LUC7L2: variants seen among roughly 807,000 people sequenced by gnomAD.
The protein encoded by LUC7L2 is putative RNA-binding protein Luc7-like 2.
LUC7L2 carries 25 observed loss-of-function variants against 52.8 expected under a neutral mutation model. The ratio of observed to expected loss-of-function variants is 0.47; its 90% CI spans 0.34 to 0.66. The LOEUF (loss-of-function observed/expected upper bound fraction) is 0.66. Ranked by LOEUF, LUC7L2 falls within the 30% of genes least tolerant of loss-of-function variation. The pLI, the probability that LUC7L2 is intolerant of heterozygous loss-of-function variation, is 0.01. For synonymous variants in LUC7L2, 144 were observed against 160.9 expected (o/e 0.89, Z 0.80); for missense variants, 328 against 497.8 (o/e 0.66, Z 3.25).
chr7:139,363,328 A>T (rs1056811375), intron 1 of LUC7L2: 1 of 771,266 alleles, frequency 1.3e-6, no homozygotes, highest in African/African-American at 1.9e-5. Flanking sequence ...ATACCCATAT[A>T]ACTGGGGGTC....
rs71169090 is a variant in LUC7L2 at position 139,399,449 on chromosome 7, A to ATTTTTTTTTTTTTTTTTTTT, written c.255+771_255+790dup. Among the ~76,000 whole-genome samples, 9 of 50,458 alleles carry ATTTTTTTTTTTTTTTTTTTT rather than the reference A, an allele frequency of 1.8e-4. 1 individual carries two copies. Among genetic ancestry groups the ATTTTTTTTTTTTTTTTTTTT allele is most frequent in the East Asian group, 7.9e-4 (1 of 1,260 alleles). The allele number at this position is 50,458 out of a possible 152,430, so 33.1% of individuals were successfully genotyped here. A position where few individuals can be genotyped will look rare whatever the true frequency, so the allele number is the denominator to read the frequency against. ...GGACATGCATATGGGTGTTTGGGGG[A>ATTTTTTTTTTTTTTTTTTTT]TTTTTTTTTTTTTTTTTTTTTTTTT... On this transcript the variant is annotated intron_variant, in intron 3 of 9. Transcript: ENST00000354926.
intron 2 of LUC7L2, among the ~76,000 whole-genome samples, chr7:139,387,533 T>C (rs1569379856): frequency 6.6e-6 from 1 of 152,110 alleles, no homozygotes; most frequent in South Asian, 2.1e-4. Flanking sequence ...TGTTTCCTGA[T>C]GGAAACAAAA....
At chr7:139,377,213 A>T (rs139064842) in intron 2 of LUC7L2, among the ~76,000 whole-genome samples, 1 of 151,982 alleles carries the variant, frequency 6.6e-6, no homozygotes, top group African/African-American at 2.4e-5. Context: ...TTATTTATTT[A>T]TTTTTTCTGA....
At chr7:139,392,915 A>G (rs1330550366) in intron 2 of LUC7L2, among the ~76,000 whole-genome samples, 1 of 151,760 alleles carries the variant, frequency 6.6e-6, no homozygotes, top group African/African-American at 2.4e-5. Context: ...CGGCCTCACA[A>G]AGTGCTGGAA....
intron 1 of LUC7L2, among the ~76,000 whole-genome samples, chr7:139,363,808 T>A (rs983487603): frequency 5.9e-5 from 9 of 152,142 alleles, no homozygotes; most frequent in African/African-American, 1.9e-4. Context: ...TCACACAGAC[T>A]GTGATTTTTG....
chr7:139,363,567 T>A (rs986796224), intron 1 of LUC7L2, among the ~76,000 whole-genome samples: 4 of 152,230 alleles, frequency 2.6e-5, no homozygotes, highest in African/African-American at 9.6e-5. Context: ...ATTTTAAGTT[T>A]TTTTAGAAAG....
At chr7:139,341,125 G>C in intron 1 of LUC7L2, 1 of 412,536 alleles carries the variant, frequency 2.4e-6, no homozygotes, top group Non-Finnish European at 4.0e-6. Flanking sequence ...AAAAGCCCCT[G>C]TTTCCCCAAA....
At chr7:139,395,514 CT>C (rs1217845329) in intron 2 of LUC7L2, among the ~76,000 whole-genome samples, 2 of 152,262 alleles carry the variant, frequency 1.3e-5, no homozygotes, top group East Asian at 3.9e-4. Flanking sequence ...ATGATGAGGA[CT>C]TTTATAACAG....
rs571001921 is a variant in LUC7L2 at position 139,360,231 on chromosome 7, C to A, written c.-31C>A. ...CCAAAAGGGCCCGGTCTGCGCCCCA[C>A]CCCCGCCCGTCCGCCCGCTACGCCG... On this transcript the variant is annotated 5_prime_UTR_variant, in exon 1 of 10. Coordinates refer to ENST00000354926, the MANE Select transcript of LUC7L2 (RefSeq NM_016019.5). 6.5e-7 allele frequency: 1 copy of A among 1,535,632 alleles called. No homozygotes were observed. The highest frequency in any genetic ancestry group is 8.8e-7 in the Non-Finnish European group (1 of 1,137,448).
At position 139,423,433 on chromosome 7, in the gene LUC7L2, T is replaced by TA. The variant is rs1385392920; in HGVS notation, c.*1098dup. The TA allele has an allele frequency of 5.0e-6, 2 of 398,810 alleles. No individual in the cohort carries two copies. Among genetic ancestry groups the TA allele is most frequent in the African/African-American group, 4.1e-5 (2 of 48,620 alleles). The allele number at this position is 398,810 out of a possible 1,614,324, so 24.7% of individuals were successfully genotyped here. On this transcript the variant is annotated 3_prime_UTR_variant, in exon 10 of 10. Transcript: ENST00000354926. ...TTTATTCTCATTCAACAAACCCAAA[T>TA]AAAAACAGTATATGTAACCAACATA...
intron 1 of LUC7L2, among the ~76,000 whole-genome samples, chr7:139,344,479 CAT>C (rs1354511341): frequency 6.6e-6 from 1 of 152,090 alleles, no homozygotes; most frequent in Non-Finnish European, 1.5e-5. Context: ...AATGACAAAA[CAT>C]ATGTTTGGTA....
intron 2 of LUC7L2, among the ~76,000 whole-genome samples, chr7:139,393,148 T>A (rs1408189207): frequency 6.6e-6 from 1 of 151,966 alleles, no homozygotes; most frequent in Non-Finnish European, 1.5e-5. Flanking sequence ...ACACTTGTAA[T>A]CCCAGCTAGT....
chr7:139,359,697 G>C, upstream of LUC7L2: 1 of 398,204 alleles, frequency 2.5e-6, no homozygotes, highest in East Asian at 3.6e-5. Context: ...GGCGCCTCGG[G>C]GCGGATCCGG....
intron 2 of LUC7L2, among the ~76,000 whole-genome samples, chr7:139,395,787 T>C (rs2131268587): frequency 6.6e-6 from 1 of 152,244 alleles, no homozygotes; most frequent in South Asian, 2.1e-4. Flanking sequence ...ACCACAAGCA[T>C]GGGCCACCAT....
intron 1 of LUC7L2, among the ~76,000 whole-genome samples, chr7:139,344,327 C>G (rs1435950087): frequency 2.0e-5 from 3 of 152,136 alleles, no homozygotes; most frequent in African/African-American, 7.2e-5. Context: ...CATGGATGCT[C>G]AAGTCCCTGA....
intron 1 of LUC7L2, among the ~76,000 whole-genome samples, chr7:139,367,059 C>G (rs1452432329): frequency 6.6e-6 from 1 of 152,092 alleles, no homozygotes; most frequent in Non-Finnish European, 1.5e-5. Flanking sequence ...TCACTGCAAC[C>G]TCCGCCTCTC....
intron 2 of LUC7L2, among the ~76,000 whole-genome samples, chr7:139,390,155 C>G (rs964080813): frequency 3.3e-5 from 5 of 152,066 alleles, no homozygotes; most frequent in African/African-American, 1.2e-4. Context: ...AAGTGAATTT[C>G]TCAGGATCAA....
intron 8 of LUC7L2, chr7:139,416,435 T>C (rs1192190112): frequency 1.3e-5 from 2 of 152,218 alleles, no homozygotes; most frequent in African/African-American, 2.4e-5. Flanking sequence ...TATTTCTGTG[T>C]ATTCATTAGA....
At chr7:139,412,618 T>A (rs201971620) in intron 8 of LUC7L2, 38 bp downstream of exon 8, 2 of 1,561,660 alleles carry the variant, frequency 1.3e-6, no homozygotes, top group African/African-American at 2.8e-5. Flanking sequence ...AGTAGTGAAG[T>A]TGTCTTTTTC....
Sources: gnomAD v4.1 joint callset for allele counts (sites outside exome capture counted in the v4.1 genomes callset) on GRCh38, gnomAD v4.1.1 for gene constraint, MANE v1.5 for transcripts, NCBI Gene and HGNC (gene_info 2026-07-23, HGNC 2026-07-21) for gene names.